The following RAB38 variants were observed in gnomAD, a reference collection of about 807,000 sequenced individuals.
The protein encoded by RAB38 is RAB38, member RAS oncogene family, also known as ras-related protein Rab-38.
In RAB38, 15 loss-of-function variants were observed where a neutral mutation model predicts 18.4. That is an observed-to-expected ratio of 0.82 (90% CI 0.55 to 1.26). RAB38 has a LOEUF of 1.26. RAB38 is among the 50% of genes most tolerant of loss of function. The pLI is 0.00. For missense variants in RAB38, 294 were observed against 267.4 expected (o/e 1.10, Z -0.69); for synonymous variants, 101 against 104.4 (o/e 0.97, Z 0.20).
the RAB38 span, among the ~76,000 whole-genome samples, chr11:87,976,037 C>T: frequency 2.0e-5 from 3 of 150,914 alleles, no homozygotes; most frequent in Non-Finnish European, 4.4e-5. Flanking sequence ...CCAAATAACG[C>T]TATTGCTGTG....
chr11:87,901,624 A>C, the RAB38 span, among the ~76,000 whole-genome samples: 1 of 151,586 alleles, frequency 6.6e-6, no homozygotes, highest in East Asian at 2.0e-4. Flanking sequence ...TGAGGTTGAT[A>C]AACAGGGCAT....
the RAB38 span, among the ~76,000 whole-genome samples, chr11:87,873,934 A>ATG: frequency 7.0e-6 from 1 of 141,908 alleles, no homozygotes; most frequent in South Asian, 2.2e-4. Flanking sequence ...ATATATATAT[A>ATG]TATATATATA....
chr11:87,923,438 G>C, the RAB38 span, among the ~76,000 whole-genome samples: 1 of 151,388 alleles, frequency 6.6e-6, no homozygotes, highest in East Asian at 1.9e-4. Context: ...TATTTATTTT[G>C]TCCTTAAGCA....
chr11:87,936,845 T>C, the RAB38 span, among the ~76,000 whole-genome samples: 1 of 152,098 alleles, frequency 6.6e-6, no homozygotes, highest in Non-Finnish European at 1.5e-5. Flanking sequence ...TTCCTAAACT[T>C]GGTTATTATT....
the RAB38 span, among the ~76,000 whole-genome samples, chr11:88,107,589 G>A: frequency 4.7e-5 from 7 of 148,728 alleles, no homozygotes; most frequent in East Asian, 3.9e-4. Context: ...GGATTCATTC[G>A]TTTGAAGGGG....
At chr11:88,146,554 G>C (rs1360031885) in intron 2 of RAB38, among the ~76,000 whole-genome samples, 1 of 151,972 alleles carries the variant, frequency 6.6e-6, no homozygotes, top group Non-Finnish European at 1.5e-5. Flanking sequence ...CAGGCAGACA[G>C]TTTAATCTAG....
the RAB38 span, among the ~76,000 whole-genome samples, chr11:88,097,434 C>A: frequency 6.6e-6 from 1 of 151,794 alleles, no homozygotes; most frequent in South Asian, 2.1e-4. Context: ...GTGAGTAATA[C>A]CTGTGCGTAG....
chr11:87,947,582 C>G, the RAB38 span, among the ~76,000 whole-genome samples: 28,737 of 150,932 alleles, frequency 0.19, 2,979 homozygotes, highest in South Asian at 0.37. Flanking sequence ...GTAAGGAAGG[C>G]ATCCAGTTTC....
At chr11:87,930,842 T>C in the RAB38 span, among the ~76,000 whole-genome samples, 1 of 113,190 alleles carries the variant, frequency 8.8e-6, no homozygotes, top group African/African-American at 4.0e-5. Flanking sequence ...CCATTTCTTG[T>C]TTTTGTCAGG....
chr11:88,077,484 C>G, the RAB38 span, among the ~76,000 whole-genome samples: 1 of 151,984 alleles, frequency 6.6e-6, no homozygotes, highest in Non-Finnish European at 1.5e-5. Flanking sequence ...AATGCAGAAC[C>G]CAGATATAAG....
the RAB38 span, among the ~76,000 whole-genome samples, chr11:87,855,809 A>G: frequency 2.6e-5 from 4 of 151,086 alleles, no homozygotes; most frequent in East Asian, 7.7e-4. Flanking sequence ...CCTTTAAATA[A>G]ACATAAATAA....
At chr11:87,929,996 G>C in the RAB38 span, among the ~76,000 whole-genome samples, 25 of 152,074 alleles carry the variant, frequency 1.6e-4, no homozygotes, top group Non-Finnish European at 3.1e-4. Flanking sequence ...CCAAGTCTTT[G>C]CTATTGTGAA....
At chr11:88,051,687 C>A in the RAB38 span, among the ~76,000 whole-genome samples, 1 of 152,166 alleles carries the variant, frequency 6.6e-6, no homozygotes, top group African/African-American at 2.4e-5. Context: ...TTGAAATTAT[C>A]TGACAAAGTC....
At chr11:88,130,636 A>G (rs1159215073) in intron 2 of RAB38, among the ~76,000 whole-genome samples, 1 of 152,188 alleles carries the variant, frequency 6.6e-6, no homozygotes, top group Non-Finnish European at 1.5e-5. Context: ...GTCCCTGCTG[A>G]CAAGGTGACT....
the RAB38 span, among the ~76,000 whole-genome samples, chr11:88,044,477 C>T: frequency 6.6e-6 from 1 of 152,170 alleles, no homozygotes; most frequent in African/African-American, 2.4e-5. Context: ...ACCTCTTCAA[C>T]TCACATCTGA....
chr11:88,159,875 C>T (rs1049150056), intron 1 of RAB38, among the ~76,000 whole-genome samples: 2 of 151,940 alleles, frequency 1.3e-5, no homozygotes, highest in African/African-American at 4.8e-5. Context: ...CTAGAAGAAA[C>T]CTAGAAGAAA....
chr11:88,137,137 T>C (rs928488871), intron 2 of RAB38, among the ~76,000 whole-genome samples: 1 of 152,114 alleles, frequency 6.6e-6, no homozygotes, highest in Non-Finnish European at 1.5e-5. Context: ...TGACATGTAG[T>C]CCCCAGTGAA....
the RAB38 span, among the ~76,000 whole-genome samples, chr11:87,962,377 T>G: frequency 6.6e-6 from 1 of 152,030 alleles, no homozygotes; most frequent in Non-Finnish European, 1.5e-5. Flanking sequence ...TAAGTAAAAT[T>G]AGCCAGGCAC....
chr11:88,036,735 TA>T, the RAB38 span, among the ~76,000 whole-genome samples: 2 of 152,060 alleles, frequency 1.3e-5, no homozygotes, highest in African/African-American at 2.4e-5. Flanking sequence ...AATGATTATT[TA>T]CTTGAGAACT....
Sources: gnomAD v4.1 joint callset for allele counts (sites outside exome capture counted in the v4.1 genomes callset) on GRCh38, gnomAD v4.1.1 for gene constraint, MANE v1.5 for transcripts, NCBI Gene and HGNC (gene_info 2026-07-23, HGNC 2026-07-21) for gene names.